TP73: variants seen among roughly 807,000 people sequenced by gnomAD.
TP73 encodes p53-like transcription factor.
A neutral mutation model predicts 62.5 loss-of-function variants in TP73; 25 were observed. That is an observed-to-expected ratio of 0.40 (90% confidence interval 0.29 to 0.56). The LOEUF is 0.56. TP73 is among the 20% of genes least tolerant of loss of function. The probability of loss-of-function intolerance (pLI) is 0.46; values close to 1 mark genes in which losing one functional copy is unlikely to be tolerated. For missense variants in TP73, 754 were observed against 913.3 expected (o/e 0.83, Z 2.25); for synonymous variants, 423 against 377.5 (o/e 1.12, Z -1.40).
chr1:3,678,448 C>G (rs557436909), intron 1 of TP73, among the ~76,000 whole-genome samples: 1 of 152,198 alleles, frequency 6.6e-6, no homozygotes, highest in South Asian at 2.1e-4. Context: ...TGTGTGAGGC[C>G]GGTTGGGGGA....
chr1:3,656,062 G>T lies in TP73; in HGVS notation c.-34+3421G>T, dbSNP rs180837049. 5.9e-3 allele frequency among the ~76,000 whole-genome samples: 902 copies of T among 152,188 alleles called. 3 individuals are homozygous for T. Among genetic ancestry groups the T allele is most frequent in the Non-Finnish European group, 0.01 (688 of 68,026 alleles). ...CGTGGTGCGGGCACCTGTAGTCCCA[G>T]CTACCCAGGAGGCTGAGGCAGGAGA... On this transcript the variant is annotated intron_variant, in intron 1 of 13. Coordinates refer to ENST00000378295, the MANE Select transcript of TP73 (RefSeq NM_005427.4).
At position 3,729,187 on chromosome 1, in the gene TP73, G is replaced by A. The variant is rs1484757496; in HGVS notation, c.1075-140G>A. 6.0e-6 allele frequency: 7 copies of A among 1,171,344 alleles called. No individual in the cohort carries two copies. In the African/African-American group the frequency reaches 1.1e-4, roughly 18 times the overall value. The allele number at this position is 1,171,344 out of a possible 1,614,324, so 72.6% of individuals were successfully genotyped here. ...TTGGGAAGAGGAAAGAAGATCAGGG[G>A]ATCCTGAGCCTCTGGGGTGCTGGGG... On this transcript the variant is annotated intron_variant, in intron 9 of 13. Coordinates refer to ENST00000378295, the MANE Select transcript of TP73 (RefSeq NM_005427.4).
chr1:3,714,867 G>T (rs1640461082), intron 4 of TP73, among the ~76,000 whole-genome samples: 1 of 152,252 alleles, frequency 6.6e-6, no homozygotes, highest in African/African-American at 2.4e-5. Context: ...CCCAGATGGG[G>T]TACCTGGGTC....
intron 13 of TP73, among the ~76,000 whole-genome samples, chr1:3,732,155 C>T (rs759158879): frequency 1.3e-5 from 2 of 152,230 alleles, no homozygotes; most frequent in East Asian, 1.9e-4. Flanking sequence ...ACCTGCCCCC[C>T]AGCCAGTGCC....
intron 3 of TP73, chr1:3,690,930 C>T (rs751328461): frequency 1.9e-5 from 30 of 1,580,196 alleles, no homozygotes; most frequent in African/African-American, 1.7e-4. Flanking sequence ...TGACCCCGCA[C>T]GGCACCTCGC....
chr1:3,706,399 ACGG>A (rs1376844771), intron 3 of TP73, among the ~76,000 whole-genome samples: 1 of 134,102 alleles, frequency 7.5e-6, no homozygotes, highest in African/African-American at 2.9e-5. Flanking sequence ...AGGGACAATC[ACGG>A]TGCCCGCCGC....
At position 3,707,661 on chromosome 1, in the gene TP73, C is replaced by G. The variant is rs778423815; in HGVS notation, c.299C>G (p.Ala100Gly). The G allele has an allele frequency of 2.0e-5, 33 of 1,613,098 alleles. No homozygotes were observed. Among genetic ancestry groups the G allele is most frequent in the Non-Finnish European group, 5.1e-6 (6 of 1,179,958 alleles). The change falls in exon 4 of 14, where the codon GCA becomes GGA. Residue 100 changes from alanine (A) to glycine (G), a missense_variant. Coordinates refer to ENST00000378295, the MANE Select transcript of TP73 (RefSeq NM_005427.4). ...AASVPTHSPY[A>G]QPSSTFDTMS... ...AGCGTGCCCACCCACTCGCCCTACG[C>G]ACAACCCAGCTCCACCTTCGACACC...
At chr1:3,729,750 G>C in intron 10 of TP73, 1 of 745,578 alleles carries the variant, frequency 1.3e-6, no homozygotes, top group Non-Finnish European at 2.3e-6. Context: ...ACCAAGACCA[G>C]AGTCCGATTC....
intron 4 of TP73, among the ~76,000 whole-genome samples, chr1:3,709,337 G>A (rs1296879349): frequency 6.6e-6 from 1 of 152,226 alleles, no homozygotes; most frequent in African/African-American, 2.4e-5. Context: ...CATCTGGCAG[G>A]CAATGCCGAC....
intron 8 of TP73, 85 bp from the exon 9 acceptor site, chr1:3,728,044 G>T: frequency 1.4e-6 from 2 of 1,386,958 alleles, no homozygotes; most frequent in South Asian, 2.6e-5. Flanking sequence ...GGCCCCAAGG[G>T]TGGGGCAGGT....
At chr1:3,665,908 G>A (rs1402824840) in intron 1 of TP73, among the ~76,000 whole-genome samples, 1 of 150,090 alleles carries the variant, frequency 6.7e-6, no homozygotes, top group Non-Finnish European at 1.5e-5. Context: ...GCCAAGGCAG[G>A]TGGATCACCA....
intron 1 of TP73, among the ~76,000 whole-genome samples, chr1:3,676,078 G>A (rs1645359126): frequency 2.0e-5 from 3 of 151,260 alleles, no homozygotes; most frequent in African/African-American, 7.3e-5. Context: ...GGGCACCCAT[G>A]GGGACAAGAG....
chr1:3,722,292 G>T, intron 5 of TP73, 85 bp downstream of exon 5: 1 of 1,498,432 alleles, frequency 6.7e-7, no homozygotes, highest in Non-Finnish European at 9.1e-7. Context: ...AACTGGGAGA[G>T]AGTGGGGCTG....
chr1:3,729,679 G>C, intron 10 of TP73: 1 of 844,930 alleles, frequency 1.2e-6, no homozygotes. Flanking sequence ...GCCACTGAGG[G>C]GCCTTGTAAA....
At chr1:3,681,342 G>A (rs1645515634) in intron 1 of TP73, among the ~76,000 whole-genome samples, 1 of 152,188 alleles carries the variant, frequency 6.6e-6, no homozygotes, top group Non-Finnish European at 1.5e-5. Flanking sequence ...AGCCGGGGCT[G>A]GGGGCTGTGG....
intron 3 of TP73, among the ~76,000 whole-genome samples, chr1:3,690,017 C>T (rs2124222143): frequency 6.6e-6 from 1 of 152,360 alleles, no homozygotes; most frequent in Admixed American, 6.5e-5. Flanking sequence ...GAGCCCCTCC[C>T]TGGCTGTGCC....
At position 3,728,129 on chromosome 1, in the gene TP73, C is replaced by G; in HGVS notation, c.986C>G (p.Ala329Gly). ...CCGCCTGCCCTGCCTGGCCTTCCAG[C>G]CTTCAAGCAGAGCCCCCCTGCCGTC... ...SAKNGAASKR[A>G]FKQSPPAVPA... Residue 329 changes from alanine (A) to glycine (G), a missense_variant and splice_region_variant, in exon 9 of 14, where the codon GCC (alanine) becomes GGC (glycine). This residue lies in a region of TP73 where 458 missense variants were observed against 528.7 expected (regional missense o/e 0.87). Transcript: ENST00000378295. 4 of 1,609,586 alleles carry G rather than the reference C, an allele frequency of 2.5e-6. No individual in the cohort carries two copies. Among genetic ancestry groups the G allele is most frequent in the Non-Finnish European group, 3.4e-6 (4 of 1,179,528 alleles).
At position 3,733,031 on chromosome 1, in the gene TP73, C is replaced by A; in HGVS notation, c.1863C>A (p.Ala621=). The change falls in exon 14 of 14, where the codon GCC becomes GCA. Residue 621 remains alanine (A), a synonymous_variant. Transcript: ENST00000378295. The part of the protein sequence containing the change: ...DFGFDLPDCK[A]RKQPIKEEFT... ...GCTTCGACCTGCCCGACTGCAAGGCCCGCAAGCAGCCCATCAAGGAGGAGT... is the reference window on the plus strand; with the variant it reads ...GCTTCGACCTGCCCGACTGCAAGGCACGCAAGCAGCCCATCAAGGAGGAGT... 4 of 1,547,870 alleles carry A rather than the reference C, an allele frequency of 2.6e-6. No individual in the cohort carries two copies. The highest frequency in any genetic ancestry group is 3.5e-6 in the Non-Finnish European group (4 of 1,151,232).
intron 9 of TP73, among the ~76,000 whole-genome samples, chr1:3,728,979 C>A (rs3903076): frequency 1.4e-5 from 2 of 144,042 alleles, no homozygotes; most frequent in African/African-American, 2.5e-5. Flanking sequence ...CAGAGCAAGA[C>A]GCTGTCGAAA....
Sources: allele counts gnomAD v4.1 joint callset (sites outside exome capture counted in the v4.1 genomes callset), GRCh38; gene constraint gnomAD v4.1.1; regional missense constraint gnomAD v4.1.1; transcripts MANE v1.5; gene names NCBI Gene and HGNC (gene_info 2026-07-23, HGNC 2026-07-21).